The following MAGED1 variants were observed in gnomAD, a reference collection of about 807,000 sequenced individuals.
MAGED1 encodes MAGE family member D1, also known as melanoma-associated antigen D1.
A neutral mutation model predicts 54.1 loss-of-function variants in MAGED1; 3 were observed. The observed-to-expected ratio is 0.06, with a 90% CI of 0.03 to 0.14. The LOEUF is 0.14. MAGED1 is among the 10% of genes least tolerant of loss of function. The pLI is 1.00. For synonymous variants in MAGED1, 217 were observed against 227.3 expected, an observed-to-expected ratio of 0.95 and a Z score of 0.41; for missense variants, 485 against 623.4, an observed-to-expected ratio of 0.78 and a Z score of 2.36.
chrX:51,850,899 T>G (rs1926863611), intron 1 of MAGED1, among the ~76,000 whole-genome samples: 1 of 110,866 alleles, frequency 9.0e-6, no homozygotes, highest in South Asian at 3.9e-4. Flanking sequence ...AAACTCCATC[T>G]CAAAAACAAA....
At chrX:51,820,342 G>A (rs184701759) in intron 1 of MAGED1, among the ~76,000 whole-genome samples, 2 of 112,211 alleles carry the variant, frequency 1.8e-5, no homozygotes, top group Non-Finnish European at 3.8e-5. Context: ...AGGAATTTCA[G>A]TGAATCTATA....
chrX:51,855,100 A>G (rs941405763), intron 1 of MAGED1, among the ~76,000 whole-genome samples: 6 of 111,897 alleles, frequency 5.4e-5, no homozygotes, highest in African/African-American at 2.0e-4. Flanking sequence ...GAGACATATC[A>G]CTGGGTCTCA....
intron 1 of MAGED1, among the ~76,000 whole-genome samples, chrX:51,813,617 T>C (rs970330502): frequency 8.9e-6 from 1 of 112,013 alleles, no homozygotes; most frequent in Non-Finnish European, 1.9e-5. Context: ...ATACCCTCTT[T>C]GTGTGTGAGG....
intron 1 of MAGED1, among the ~76,000 whole-genome samples, chrX:51,824,794 G>A (rs782113577): frequency 1.3e-5 from 1 of 79,164 alleles, no homozygotes; most frequent in African/African-American, 5.0e-5. Flanking sequence ...ATATATATAC[G>A]TATATATACG....
At chrX:51,890,851 GAA>G (rs1321668580), upstream of MAGED1, among the ~76,000 whole-genome samples, 18 of 101,900 alleles carry the variant, frequency 1.8e-4, no homozygotes, top group Non-Finnish European at 3.2e-4. Context: ...AAAAAAAAAG[GAA>G]AAGTCTTGTA....
At chrX:51,894,783 TC>T (rs782664721) in intron 2 of MAGED1, 6 of 1,138,942 alleles carry the variant, frequency 5.3e-6, no homozygotes, top group Non-Finnish European at 6.9e-6. Flanking sequence ...TCTTGGAGCG[TC>T]CCCGGCTCCT....
chrX:51,809,201 G>A (rs907008461), intron 1 of MAGED1, among the ~76,000 whole-genome samples: 15 of 110,960 alleles, frequency 1.4e-4, no homozygotes, highest in African/African-American at 4.9e-4. Flanking sequence ...TGCAATCTCC[G>A]CCTGCCGGGT....
intron 1 of MAGED1, among the ~76,000 whole-genome samples, chrX:51,838,403 T>C (rs1926333408): frequency 8.9e-6 from 1 of 111,897 alleles, no homozygotes; most frequent in African/African-American, 3.3e-5. Context: ...TTAGAATCTT[T>C]AGGCATCTAC....
intron 1 of MAGED1, among the ~76,000 whole-genome samples, chrX:51,867,646 C>G (rs1251431069): frequency 8.9e-6 from 1 of 112,190 alleles, no homozygotes; most frequent in East Asian, 2.8e-4. Context: ...AACACCCTCA[C>G]AGACACACCC....
intron 1 of MAGED1, among the ~76,000 whole-genome samples, chrX:51,885,236 C>CT: frequency 8.9e-6 from 1 of 112,169 alleles, no homozygotes; most frequent in Non-Finnish European, 1.9e-5. Context: ...ACATCCATTA[C>CT]TTTTTGTCTT....
chrX:51,816,989 C>T (rs1261253171), intron 1 of MAGED1, among the ~76,000 whole-genome samples: 1 of 111,471 alleles, frequency 9.0e-6, no homozygotes, highest in Non-Finnish European at 1.9e-5. Flanking sequence ...AAGGGGAGTT[C>T]CTGAACAGGA....
intron 1 of MAGED1, among the ~76,000 whole-genome samples, chrX:51,806,552 T>G (rs1049402410): frequency 8.9e-6 from 1 of 111,918 alleles, no homozygotes; most frequent in Non-Finnish European, 1.9e-5. Flanking sequence ...ATTGTATGAA[T>G]GTACCACAAT....
chrX:51,840,328 C>A (rs1231182980), intron 1 of MAGED1, among the ~76,000 whole-genome samples: 1 of 110,518 alleles, frequency 9.0e-6, no homozygotes, highest in Non-Finnish European at 1.9e-5. Context: ...CCCACATGAA[C>A]CAAGGCCTTT....
intron 1 of MAGED1, among the ~76,000 whole-genome samples, chrX:51,874,918 A>G (rs1184166830): frequency 9.1e-6 from 1 of 110,289 alleles, no homozygotes; most frequent in Non-Finnish European, 1.9e-5. Flanking sequence ...ATATTTTTAT[A>G]TTCCTACAAA....
At chrX:51,887,092 A>T (rs1557362895) in intron 1 of MAGED1, among the ~76,000 whole-genome samples, 1 of 675 alleles carries the variant, frequency 1.5e-3, no homozygotes, top group Non-Finnish European at 3.5e-3. Context: ...ACAATGACTC[A>T]AAAAAAAAAA....
At chrX:51,883,293 C>T (rs887314400) in intron 1 of MAGED1, among the ~76,000 whole-genome samples, 3 of 111,172 alleles carry the variant, frequency 2.7e-5, no homozygotes, top group African/African-American at 9.8e-5. Context: ...AGGTTTTTAT[C>T]ACCACCCAAC....
chrX:51,853,221 GC>G (rs1926958207), intron 1 of MAGED1, among the ~76,000 whole-genome samples: 1 of 111,755 alleles, frequency 8.9e-6, no homozygotes, highest in South Asian at 3.7e-4. Context: ...GCTTCCTGTT[GC>G]TTGGTAAGAT....
intron 10 of MAGED1, 90 bp from the exon 11 acceptor site, chrX:51,900,092 A>T: frequency 1.7e-6 from 1 of 581,381 alleles, no homozygotes; most frequent in Admixed American, 2.8e-5. Context: ...TTGCTATCTG[A>T]AATCTGTTAA....
chrX:51,829,702 A>G (rs372231876), intron 1 of MAGED1, among the ~76,000 whole-genome samples: 1 of 111,575 alleles, frequency 9.0e-6, no homozygotes, highest in Non-Finnish European at 1.9e-5. Context: ...CAATAAATAC[A>G]TTGAAATGTG....
Sources: allele counts gnomAD v4.1 joint callset (sites outside exome capture counted in the v4.1 genomes callset), GRCh38; gene constraint gnomAD v4.1.1; transcripts MANE v1.5; gene names NCBI Gene and HGNC (gene_info 2026-07-23, HGNC 2026-07-21).